GALNT13: variants seen among roughly 807,000 people sequenced by gnomAD.
GALNT13 encodes UDP-GalNAc:polypeptide N-acetylgalactosaminyltransferase 13.
A neutral mutation model predicts 64.2 loss-of-function variants in GALNT13; 28 were observed. That is an observed-to-expected ratio of 0.44 (90% CI 0.32 to 0.60). The LOEUF is 0.60. Among genes scored for constraint, GALNT13 ranks in the 20% least tolerant of loss-of-function variants. GALNT13 has a pLI of 0.05. For synonymous variants in GALNT13, 214 were observed against 224.6 expected (o/e 0.95, Z 0.42); for missense variants, 577 against 669.8 (o/e 0.86, Z 1.53).
chr2:153,944,635 G>T lies in GALNT13; in HGVS notation c.138G>T (p.Leu46Phe). The T allele has an allele frequency of 6.2e-7, 1 of 1,612,770 alleles. No homozygotes were observed. The highest frequency in any genetic ancestry group is 8.5e-7 in the Non-Finnish European group (1 of 1,179,184). ...AGGAGAGATCTCTGCTGCCTGCATT[G>T]AGGGGTAAGTGCTTATGAAGCAAAT... ...DKKERSLLPALRAVISRNQEG... is the reference protein window; with the variant it reads ...DKKERSLLPAFRAVISRNQEG... The change falls in exon 3 of 13, where the codon TTG becomes TTT. Residue 46 changes from leucine (L) to phenylalanine (F), a missense_variant. Around this residue, in one of 3 missense-constraint regions of GALNT13, gnomAD observed 341 missense variants for 379.3 expected, o/e 0.90. Coordinates refer to ENST00000392825, the MANE Select transcript of GALNT13 (RefSeq NM_052917.4).
chr2:153,653,298 C>G, the GALNT13 span, among the ~76,000 whole-genome samples: 11 of 152,202 alleles, frequency 7.2e-5, no homozygotes, highest in African/African-American at 2.2e-4. Flanking sequence ...CACTAGGGAG[C>G]TTTAGAGAGA....
At chr2:153,548,652 T>C in the GALNT13 span, among the ~76,000 whole-genome samples, 2 of 152,310 alleles carry the variant, frequency 1.3e-5, no homozygotes, top group Admixed American at 1.3e-4. Flanking sequence ...TATACCAAAA[T>C]TGACTTATTC....
chr2:153,443,528 T>G, the GALNT13 span, among the ~76,000 whole-genome samples: 61 of 152,354 alleles, frequency 4.0e-4, no homozygotes, highest in Non-Finnish European at 6.9e-4. Context: ...TATGTCACTA[T>G]CCATTCATCT....
At chr2:153,691,156 C>G in the GALNT13 span, among the ~76,000 whole-genome samples, 1 of 152,164 alleles carries the variant, frequency 6.6e-6, no homozygotes, top group East Asian at 1.9e-4. Flanking sequence ...CAATCTGCAA[C>G]TATGCCCAAT....
At chr2:153,766,990 C>CT in the GALNT13 span, among the ~76,000 whole-genome samples, 3 of 152,034 alleles carry the variant, frequency 2.0e-5, no homozygotes, top group East Asian at 1.9e-4. Context: ...CATGTGCATA[C>CT]TTTTTTACAT....
intron 4 of GALNT13, among the ~76,000 whole-genome samples, chr2:154,232,937 G>A (rs1247642991): frequency 6.6e-6 from 1 of 150,874 alleles, no homozygotes; most frequent in Non-Finnish European, 1.5e-5. Flanking sequence ...AGCTACTTAG[G>A]TGGCTGAGTA....
intron 9 of GALNT13, among the ~76,000 whole-genome samples, 154 bp from the exon 10 acceptor site, chr2:154,395,837 C>T (rs986706448): frequency 1.3e-5 from 2 of 151,996 alleles, no homozygotes; most frequent in African/African-American, 4.8e-5. Flanking sequence ...TGTACTAATT[C>T]GATGGTAGTA....
chr2:154,115,540 C>A (rs998423642), intron 3 of GALNT13, among the ~76,000 whole-genome samples: 1 of 152,038 alleles, frequency 6.6e-6, no homozygotes, highest in Non-Finnish European at 1.5e-5. Flanking sequence ...CCTACCTCAG[C>A]CCCCTGAGTA....
chr2:153,208,608 A>C, the GALNT13 span, among the ~76,000 whole-genome samples: 1 of 152,184 alleles, frequency 6.6e-6, no homozygotes, highest in African/African-American at 2.4e-5. Context: ...GCTGCTATAA[A>C]GATTTGAATG....
chr2:153,082,097 T>G, the GALNT13 span, among the ~76,000 whole-genome samples: 1 of 152,186 alleles, frequency 6.6e-6, no homozygotes, highest in African/African-American at 2.4e-5. Flanking sequence ...CATTGTAGTT[T>G]TGGTTTGCAT....
chr2:153,762,230 C>T, the GALNT13 span: 2 of 152,246 alleles, frequency 1.3e-5, no homozygotes, highest in Non-Finnish European at 2.9e-5. Context: ...TTTTTCCCCA[C>T]TTCTGTCTTC....
the GALNT13 span, among the ~76,000 whole-genome samples, chr2:153,859,982 C>T: frequency 6.6e-6 from 1 of 152,040 alleles, no homozygotes; most frequent in Admixed American, 6.5e-5. Context: ...GTACTAATAA[C>T]AAAAATGTCA....
At chr2:153,793,629 A>G in the GALNT13 span, among the ~76,000 whole-genome samples, 1 of 146,826 alleles carries the variant, frequency 6.8e-6, no homozygotes, top group Non-Finnish European at 1.5e-5. Context: ...TTCTAAAGTT[A>G]GACAACAGTG....
At chr2:154,205,036 T>TG (rs1456278604) in intron 4 of GALNT13, among the ~76,000 whole-genome samples, 1 of 152,300 alleles carries the variant, frequency 6.6e-6, no homozygotes, top group Non-Finnish European at 1.5e-5. Context: ...GATGGGTGGA[T>TG]GGGTAGATGA....
At position 154,260,101 on chromosome 2, in the gene GALNT13, G is replaced by T. The variant is rs574198052; in HGVS notation, c.975+963G>T. Among the ~76,000 whole-genome samples the T allele has an allele frequency of 4.2e-4, 63 of 151,806 alleles. 1 individual carries two copies. The highest frequency in any genetic ancestry group is 4.0e-4 in the Non-Finnish European group (27 of 67,944). On this transcript the variant is annotated intron_variant, in intron 8 of 12. Transcript: ENST00000392825. ...GGGTTTTGCCATGTTGCCCAGGGTG[G>T]TCTCAAATTCCTGAGCTCAAGCAAT...
the GALNT13 span, among the ~76,000 whole-genome samples, chr2:153,382,092 T>TCA: frequency 2.0e-5 from 3 of 152,174 alleles, no homozygotes; most frequent in African/African-American, 7.2e-5. Flanking sequence ...GAGGTGATTC[T>TCA]CAGCATGATT....
the GALNT13 span, among the ~76,000 whole-genome samples, chr2:153,805,098 G>A: frequency 6.6e-6 from 1 of 151,686 alleles, no homozygotes; most frequent in Non-Finnish European, 1.5e-5. Context: ...AGAATATAAT[G>A]TAAATTATGA....
At chr2:153,361,519 GGA>G in the GALNT13 span, among the ~76,000 whole-genome samples, 4 of 151,794 alleles carry the variant, frequency 2.6e-5, no homozygotes, top group African/African-American at 9.7e-5. Context: ...AGCTTAGAGG[GGA>G]ACAAAAATGA....
In GALNT13 at chr2:154,283,707, A is replaced by ATG. The variant is rs544149049; in HGVS notation, c.976-17690_976-17689dup. ...TACACACACACATACACACATCTATATGTGTGTGTGTGTATATACACACAA... is the reference window on the plus strand; with the variant it reads ...TACACACACACATACACACATCTATATGTGTGTGTGTGTGTATATACACACAA... On this transcript the variant is annotated intron_variant, in intron 8 of 12. Coordinates refer to ENST00000392825, the MANE Select transcript of GALNT13 (RefSeq NM_052917.4). Among the ~76,000 whole-genome samples, 26 of 151,982 alleles carry ATG rather than the reference A, an allele frequency of 1.7e-4. No individual in the cohort carries two copies. The East Asian group carries it at 2.9e-3, about 17-fold the overall frequency.
Sources: gnomAD v4.1 joint callset for allele counts (sites outside exome capture counted in the v4.1 genomes callset) on GRCh38, gnomAD v4.1.1 for gene constraint, gnomAD v4.1.1 regional missense constraint, MANE v1.5 for transcripts, NCBI Gene and HGNC (gene_info 2026-07-23, HGNC 2026-07-21) for gene names.